The following ZNF83 variants were observed in gnomAD, a reference collection of about 807,000 sequenced individuals.
ZNF83 encodes zinc finger protein 83, also known as zinc finger protein 816B.
For missense variants in ZNF83, 552 were observed against 629.9 expected, an observed-to-expected ratio of 0.88 and a Z score of 1.32; for synonymous variants, 209 against 213.0, an observed-to-expected ratio of 0.98 and a Z score of 0.17.
intron 1 of ZNF83, among the ~76,000 whole-genome samples, chr19:52,668,508 C>T (rs957746734): frequency 3.9e-5 from 6 of 152,136 alleles, no homozygotes; most frequent in Non-Finnish European, 5.9e-5. Context: ...TGGAAAGGAT[C>T]CTATAGGCTT....
At position 52,619,641 on chromosome 19, in the gene ZNF83, AT is replaced by A. The variant is rs536583612; in HGVS notation, c.-233-4845del. Among the ~76,000 whole-genome samples the A allele has an allele frequency of 1.9e-3, 293 of 151,850 alleles. 2 individuals carry two copies. The highest frequency in any genetic ancestry group is 5.4e-3 in the African/African-American group (224 of 41,388). On this transcript the variant is annotated intron_variant, in intron 2 of 2. Coordinates refer to ENST00000301096, the Ensembl canonical transcript of ZNF83. ...ACTCCATCTCCAAAAAAAAAAAAAA[AT>A]GTTAGAAACTTTTATTGACACACCA...
intron 1 of ZNF83, among the ~76,000 whole-genome samples, chr19:52,669,101 T>C: frequency 6.6e-6 from 1 of 152,170 alleles, no homozygotes; most frequent in East Asian, 1.9e-4. Context: ...AGATGCATAG[T>C]GGTATTATGG....
In ZNF83 at chr19:52,614,643, C is replaced by T. The variant is rs907127166; in HGVS notation, c.-79G>A. On this transcript the variant is annotated 5_prime_UTR_variant, in exon 3 of 3. In the 5' UTR this introduces an upstream ATG that the reference lacks. Transcript: ENST00000301096. ...GTCTTCAATCATGTTTCCACAGACA[C>T]TGAGAGTCATGTACATTTTTCTGGG... 9 of 1,421,980 alleles carry T rather than the reference C, an allele frequency of 6.3e-6. No individual in the cohort carries two copies. The highest frequency in any genetic ancestry group is 7.4e-6 in the Non-Finnish European group (8 of 1,081,820). The allele number at this position is 1,421,980 out of a possible 1,614,324, so 88.1% of individuals were successfully genotyped here.
chr19:52,638,256 G>A (rs1318607182), intron 1 of ZNF83, 56 bp downstream of exon 1: 1 of 152,382 alleles, frequency 6.6e-6, no homozygotes, highest in Non-Finnish European at 1.5e-5. Context: ...CACGTCTCAG[G>A]TACAGCAGCG....
At chr19:52,638,156 A>G (rs527391106) in intron 1 of ZNF83, among the ~76,000 whole-genome samples, 156 bp downstream of exon 1, 1 of 152,328 alleles carries the variant, frequency 6.6e-6, no homozygotes, top group South Asian at 2.1e-4. Context: ...TTAAACCCAA[A>G]AGGAAGCGAT....
At chr19:52,616,117 T>C (rs2060296450) in intron 2 of ZNF83, among the ~76,000 whole-genome samples, 2 of 152,320 alleles carry the variant, frequency 1.3e-5, no homozygotes, top group Non-Finnish European at 2.9e-5. Context: ...GGATTTCAGG[T>C]GTGAGCCACT....
intron 1 of ZNF83, among the ~76,000 whole-genome samples, chr19:52,673,923 G>A (rs1313845471): frequency 1.4e-5 from 2 of 147,926 alleles, no homozygotes; most frequent in Non-Finnish European, 3.0e-5. Context: ...GGCTGAGGCA[G>A]GAGAATTGGT....
At chr19:52,623,944 CTG>C (rs2060640924) in intron 2 of ZNF83, among the ~76,000 whole-genome samples, 4 of 152,134 alleles carry the variant, frequency 2.6e-5, no homozygotes, top group African/African-American at 9.7e-5. Context: ...GTTCTCAATA[CTG>C]CCCTCCACAA....
At chr19:52,623,255 C>G (rs544160731) in intron 2 of ZNF83, among the ~76,000 whole-genome samples, 1 of 152,306 alleles carries the variant, frequency 6.6e-6, no homozygotes, top group South Asian at 2.1e-4. Flanking sequence ...GCCCTCTGGA[C>G]CATCAGGGAT....
intron 2 of ZNF83, among the ~76,000 whole-genome samples, chr19:52,658,387 G>A (rs1172068773): frequency 1.3e-5 from 2 of 152,122 alleles, no homozygotes; most frequent in Admixed American, 6.5e-5. Context: ...CCAACATGGT[G>A]AAATTTCATC....
intron 1 of ZNF83, among the ~76,000 whole-genome samples, chr19:52,665,423 TA>T (rs1210979132): frequency 6.1e-5 from 9 of 148,046 alleles, no homozygotes; most frequent in South Asian, 2.1e-4. Context: ...AAAAAGTGAT[TA>T]AAAAAAAAAG....
chr19:52,673,368 T>A (rs890934662), intron 1 of ZNF83, among the ~76,000 whole-genome samples: 7 of 152,102 alleles, frequency 4.6e-5, no homozygotes, highest in African/African-American at 1.7e-4. Context: ...CCGAGGGTGA[T>A]GGCGCATGCC....
chr19:52,687,387 A>AGC lies in ZNF83; in HGVS notation c.-283+3055_-283+3056insGC, dbSNP rs1568588061. On this transcript the variant is annotated intron_variant, in intron 1 of 5. Transcript: ENST00000594682. ...TTATAATATAAATTATAATTTATAT[A>AGC]TATATAATTTATATAGCTATATAAA... Among the ~76,000 whole-genome samples, 326 of 61,782 alleles carry AGC rather than the reference A, an allele frequency of 5.3e-3. 134 individuals are homozygous for AGC. The African/African-American group carries it at 0.053, about 10-fold the overall frequency. 40.5% of individuals were successfully genotyped at this position (61,782 alleles called of 152,430 possible). A position where few individuals can be genotyped will look rare whatever the true frequency, so the allele number is the denominator to read the frequency against.
At chr19:52,673,500 TCACACA>T (rs3055356) in intron 1 of ZNF83, among the ~76,000 whole-genome samples, 1 of 148,930 alleles carries the variant, frequency 6.7e-6, no homozygotes, top group Admixed American at 6.7e-5. Context: ...TGTAACTCCA[TCACACA>T]CACACACACA....
intron 3 of ZNF83, among the ~76,000 whole-genome samples, chr19:52,649,377 T>C (rs1218280332): frequency 6.6e-6 from 1 of 152,058 alleles, no homozygotes; most frequent in Non-Finnish European, 1.5e-5. Flanking sequence ...TCTGACAACT[T>C]TACAGGTAAT....
intron 1 of ZNF83, among the ~76,000 whole-genome samples, chr19:52,662,807 C>A (rs951494125): frequency 2.0e-5 from 3 of 151,942 alleles, no homozygotes; most frequent in African/African-American, 7.3e-5. Context: ...GAAGGAGGTG[C>A]GGCTCATTCC....
chr19:52,628,493 C>T (rs1053619224), intron 2 of ZNF83, among the ~76,000 whole-genome samples: 4 of 152,088 alleles, frequency 2.6e-5, no homozygotes, highest in East Asian at 1.9e-4. Context: ...ACGTTTTATC[C>T]GTGGACCCAA....
chr19:52,647,316 TAAATA>T (rs1232210431), intron 3 of ZNF83, among the ~76,000 whole-genome samples: 2 of 152,222 alleles, frequency 1.3e-5, no homozygotes, highest in African/African-American at 4.8e-5. Flanking sequence ...CTGTATAATT[TAAATA>T]ATTTATTTAT....
exon 3 of ZNF83, chr19:52,612,890 G>C (rs112408119): frequency 1.3e-6 from 1 of 782,086 alleles, no homozygotes; most frequent in Non-Finnish European, 2.0e-6. Context: ...TCTAGCTAAC[G>C]GTTATTAAGC....
Sources: allele counts gnomAD v4.1 joint callset (sites outside exome capture counted in the v4.1 genomes callset), GRCh38; gene constraint gnomAD v4.1.1; transcripts MANE v1.5; gene names NCBI Gene and HGNC (gene_info 2026-07-23, HGNC 2026-07-21).